The following USP24 variants were observed in gnomAD, a reference collection of about 807,000 sequenced individuals.
The protein encoded by USP24 is ubiquitin carboxyl-terminal hydrolase 24.
In USP24, 97 loss-of-function variants were observed where a neutral mutation model predicts 361.6. The ratio of observed to expected loss-of-function variants is 0.27; its 90% CI spans 0.23 to 0.32. The LOEUF is 0.32. Among genes scored for constraint, USP24 ranks in the 10% least tolerant of loss-of-function variants. The pLI is 1.00. For synonymous variants in USP24, 1,098 were observed against 1,124.6 expected (o/e 0.98, Z 0.47); for missense variants, 2,353 against 3,165.6 (o/e 0.74, Z 6.16).
intron 1 of USP24, among the ~76,000 whole-genome samples, chr1:55,189,498 G>A (rs1243814603): frequency 1.3e-5 from 2 of 152,174 alleles, no homozygotes; most frequent in Non-Finnish European, 2.9e-5. Flanking sequence ...GTATCATTCT[G>A]TTTATATGAA....
At chr1:55,072,541 C>G in intron 65 of USP24, 138 bp from the exon 66 acceptor site, 1 of 774,150 alleles carries the variant, frequency 1.3e-6, no homozygotes, top group Non-Finnish European at 2.0e-6. Context: ...TCACATAAAG[C>G]GATTCAAGAC....
intron 16 of USP24, 133 bp downstream of exon 16, chr1:55,153,737 T>A: frequency 9.7e-7 from 1 of 1,032,692 alleles, no homozygotes; most frequent in Non-Finnish European, 1.4e-6. Context: ...TAAACAAATT[T>A]TTAGACATCA....
In USP24 at chr1:55,068,143, T is replaced by G. The variant is rs373069190; in HGVS notation, c.*902A>C. On this transcript the variant is annotated 3_prime_UTR_variant, in exon 68 of 68. Transcript: ENST00000294383. ...CAAAAGCAAACGATTGCAGATCACATGATTTAAGACTACAGTTTATTCAAT... is the reference window on the plus strand; with the variant it reads ...CAAAAGCAAACGATTGCAGATCACAGGATTTAAGACTACAGTTTATTCAAT... 3 of 152,242 alleles carry G rather than the reference T, an allele frequency of 2.0e-5. No individual in the cohort carries two copies. Among genetic ancestry groups the G allele is most frequent in the Non-Finnish European group, 4.4e-5 (3 of 68,038 alleles). The allele number at this position is 152,242 out of a possible 1,614,324, so 9.4% of individuals were successfully genotyped here.
chr1:55,148,381 A>C, intron 17 of USP24, 82 bp downstream of exon 17: 2 of 1,034,662 alleles, frequency 1.9e-6, no homozygotes, highest in Non-Finnish European at 2.9e-6. Flanking sequence ...TAGTGACTAT[A>C]AACTCAGCAA....
intron 8 of USP24, among the ~76,000 whole-genome samples, chr1:55,161,823 G>A (rs1289918129): frequency 6.6e-6 from 1 of 152,174 alleles, no homozygotes; most frequent in Non-Finnish European, 1.5e-5. Flanking sequence ...GAGCCAGTAA[G>A]TGAGCCTAGC....
chr1:55,137,489 T>C, intron 28 of USP24, 26 bp downstream of exon 28: 2 of 1,601,776 alleles, frequency 1.2e-6, no homozygotes, highest in Non-Finnish European at 1.7e-6. Context: ...GTTCTTGTTT[T>C]TAAATGGAAA....
rs1644927274 is a variant in USP24, at chr1:55,071,862, C to T, written c.7752G>A (p.Gly2584=). ...TCTCATTGGCAGGACTACTCTCCGA[C>T]CCATTACTGCTTCCTGATTGCTCTT... ...NEKEQSGSSN[G]SESSPANENG... The change falls in exon 67 of 68, where the codon GGG becomes GGA. Residue 2584 remains glycine (G), a synonymous_variant. Transcript: ENST00000294383. The T allele has an allele frequency of 1.9e-6, 3 of 1,613,366 alleles. No homozygotes were observed. The East Asian group carries it at 6.7e-5, about 36-fold the overall frequency.
intron 4 of USP24, 35 bp downstream of exon 4, chr1:55,172,342 A>G: frequency 2.0e-6 from 3 of 1,527,350 alleles, no homozygotes; most frequent in South Asian, 2.7e-5. Context: ...AAACAAAATC[A>G]AAACACAAAG....
intron 38 of USP24, among the ~76,000 whole-genome samples, chr1:55,118,908 C>T (rs2100587519): frequency 6.6e-6 from 1 of 152,270 alleles, no homozygotes; most frequent in East Asian, 1.9e-4. Context: ...AAACAAAAAT[C>T]CTAGAAAACA....
rs150879461 is a variant in USP24, at chr1:55,184,862, C to T, written c.325-6730G>A. Reference sequence around the variant, plus strand: ...CAAGAAATCACAAGATAGGTAAGAACGCGCTTTGAGACGAATGAAAATTAA... The same window carrying T: ...CAAGAAATCACAAGATAGGTAAGAATGCGCTTTGAGACGAATGAAAATTAA... On this transcript the variant is annotated intron_variant, in intron 1 of 67. Coordinates refer to ENST00000294383, the MANE Select transcript of USP24 (RefSeq NM_015306.3). Among the ~76,000 whole-genome samples the T allele has an allele frequency of 4.7e-3, 716 of 152,234 alleles. 5 individuals carry two copies. The highest frequency in any genetic ancestry group is 0.016 in the African/African-American group (661 of 41,534).
chr1:55,067,126 ATAAGGGGAC>A lies in USP24; in HGVS notation c.*1910_*1918del, dbSNP rs779552846. On this transcript the variant is annotated 3_prime_UTR_variant, in exon 68 of 68. Coordinates refer to ENST00000294383, the MANE Select transcript of USP24 (RefSeq NM_015306.3). Reference sequence around the variant, plus strand: ...GCGGAAGGCGTTGTTTCCATAGGAAATAAGGGGACTAGAAGTGGCAATTTCACTCCTGAT... The same window carrying A: ...GCGGAAGGCGTTGTTTCCATAGGAAATAGAAGTGGCAATTTCACTCCTGAT... 6.6e-6 allele frequency: 1 copy of A among 152,176 alleles called. No homozygotes were observed. The highest frequency in any genetic ancestry group is 1.5e-5 in the Non-Finnish European group (1 of 68,046). The allele number at this position is 152,176 out of a possible 1,614,324, so 9.4% of individuals were successfully genotyped here. A position where few individuals can be genotyped will look rare whatever the true frequency, so the allele number is the denominator to read the frequency against.
At chr1:55,123,314 ACGCCACATGCCAACTTCC>A (rs565890706) in intron 36 of USP24, 115 bp downstream of exon 36, 189 of 1,022,688 alleles carry the variant, frequency 1.8e-4, no homozygotes, top group Middle Eastern at 3.3e-4. Flanking sequence ...ATTCTTAGCT[ACGCCACATGCCAACTTCC>A]CGCCTTTTTC....
At position 55,165,923 on chromosome 1, in the gene USP24, T is replaced by C; in HGVS notation, c.889A>G (p.Ile297Val). 6.2e-7 allele frequency: 1 copy of C among 1,607,732 alleles called. No homozygotes were observed. Among genetic ancestry groups the C allele is most frequent in the East Asian group, 2.2e-5 (1 of 44,672 alleles). ...TCTTCTGAATGGAGCTTGGCTTGGA[T>C]TGCTGCAAATCCACCTAATTCTCCA... ...KFGELGGFAA[I>V]QAKLHSEDIE... The change falls in exon 7 of 68, where the codon ATC becomes GTC. Residue 297 changes from isoleucine to valine, a missense_variant. Ile to Val is a conservative substitution (Grantham distance 29). Transcript: ENST00000294383.
chr1:55,201,280 GGAAA>G (rs1644565599), intron 1 of USP24, among the ~76,000 whole-genome samples: 1 of 152,104 alleles, frequency 6.6e-6, no homozygotes. Context: ...GAACTTTCCA[GGAAA>G]TACAGAAAAC....
chr1:55,184,725 C>A (rs982349207), intron 1 of USP24, among the ~76,000 whole-genome samples: 1 of 152,018 alleles, frequency 6.6e-6, no homozygotes, highest in East Asian at 1.9e-4. Context: ...TGAAATCATA[C>A]CAAATATGTT....
chr1:55,083,972 C>T, intron 56 of USP24, 84 bp from the exon 57 acceptor site: 3 of 1,096,846 alleles, frequency 2.7e-6, no homozygotes, highest in South Asian at 3.0e-5. Context: ...GGTAAACCAC[C>T]ATAAGAACAA....
Position 55,215,052 on chromosome 1 carries a change from G to C in USP24, c.62C>G (p.Ala21Gly). Residue 21 changes from alanine to glycine, a missense_variant, in exon 1 of 68, where the codon GCC (alanine) becomes GGC (glycine). Transcript: ENST00000294383. Reference protein sequence around the residue: ...TLLCMGFSDPATIRKALRLAK... With the variant: ...TLLCMGFSDPGTIRKALRLAK... ...CAGGCGCAGGGCCTTGCGGATGGTGGCGGGGTCTGAGAAGCCCATGCACAG... is the reference window on the plus strand; with the variant it reads ...CAGGCGCAGGGCCTTGCGGATGGTGCCGGGGTCTGAGAAGCCCATGCACAG... 6.8e-7 allele frequency: 1 copy of C among 1,466,238 alleles called. No homozygotes were observed. Among genetic ancestry groups the C allele is most frequent in the Non-Finnish European group, 9.0e-7 (1 of 1,106,192 alleles). 90.8% of individuals were successfully genotyped at this position (1,466,238 alleles called of 1,614,324 possible).
chr1:55,154,357 T>C lies in USP24; in HGVS notation c.1650+14A>G. On this transcript the variant is annotated intron_variant, in intron 14 of 67. Transcript: ENST00000294383. ...GAGCATTTGTAGCTAGAAAAATCCA[T>C]TTGATTCTCCTGCCTTTCCAGAAGT... The C allele has an allele frequency of 6.4e-7, 1 of 1,553,528 alleles. No homozygotes were observed. The highest frequency in any genetic ancestry group is 8.7e-7 in the Non-Finnish European group (1 of 1,147,938).
intron 19 of USP24, among the ~76,000 whole-genome samples, chr1:55,146,522 C>A (rs1382853974): frequency 6.6e-6 from 1 of 152,152 alleles, no homozygotes; most frequent in African/African-American, 2.4e-5. Context: ...TTTAATCTAT[C>A]TTTGGCTGCT....
Sources: allele counts gnomAD v4.1 joint callset (sites outside exome capture counted in the v4.1 genomes callset), GRCh38; gene constraint gnomAD v4.1.1; transcripts MANE v1.5; gene names NCBI Gene and HGNC (gene_info 2026-07-23, HGNC 2026-07-21).